Variants in GRIP2 observed in about 807,000 individuals in gnomAD.
GRIP2 encodes glutamate receptor interacting protein 2.
In GRIP2, 58 loss-of-function variants were observed where a neutral mutation model predicts 108.3. That is an observed-to-expected ratio of 0.54 (90% CI 0.43 to 0.67). GRIP2 has a LOEUF of 0.67. GRIP2 is among the 30% of genes least tolerant of loss of function. The probability of loss-of-function intolerance (pLI) is 0.00; values close to 1 mark genes in which losing one functional copy is unlikely to be tolerated. For synonymous variants in GRIP2, 586 were observed against 598.2 expected, an observed-to-expected ratio of 0.98 and a Z score of 0.30; for missense variants, 1,278 against 1,430.6, an observed-to-expected ratio of 0.89 and a Z score of 1.72.
chr3:14,530,539 T>A (rs1694682982), intron 1 of GRIP2, among the ~76,000 whole-genome samples: 1 of 152,236 alleles, frequency 6.6e-6, no homozygotes, highest in African/African-American at 2.4e-5. Flanking sequence ...TAATTTCTCC[T>A]AAGAACACTG....
chr3:14,497,967 T>C (rs542660835), intron 21 of GRIP2, among the ~76,000 whole-genome samples: 1 of 152,278 alleles, frequency 6.6e-6, no homozygotes, highest in Admixed American at 6.5e-5. Flanking sequence ...GTGCTGGAGC[T>C]GCTGGGAGGG....
At position 14,521,566 on chromosome 3, in the gene GRIP2, A is replaced by C; in HGVS notation, c.712+76T>G. On this transcript the variant is annotated intron_variant, in intron 7 of 23. Coordinates refer to ENST00000621039, the MANE Select transcript of GRIP2 (RefSeq NM_001080423.4). The surrounding 1 kb of genome is among the most constrained non-coding windows in gnomAD (Gnocchi z 5.1). Reference sequence around the variant, plus strand: ...TCATGCAGCCTTTGCAGTGGTAAAGATCCATGGCCACTGCCACCTCCCCCC... The same window carrying C: ...TCATGCAGCCTTTGCAGTGGTAAAGCTCCATGGCCACTGCCACCTCCCCCC... 2 of 1,454,778 alleles carry C rather than the reference A, an allele frequency of 1.4e-6. No individual in the cohort carries two copies. The highest frequency in any genetic ancestry group is 1.4e-5 in the South Asian group (1 of 72,416). The allele number at this position is 1,454,778 out of a possible 1,614,324, so 90.1% of individuals were successfully genotyped here.
chr3:14,571,553 C>G, the GRIP2 span, among the ~76,000 whole-genome samples: 1 of 152,144 alleles, frequency 6.6e-6, no homozygotes, highest in Non-Finnish European at 1.5e-5. Flanking sequence ...AACCAATGCT[C>G]CCGACAGAGA....
In GRIP2 at chr3:14,509,885, C is replaced by A; in HGVS notation, c.2013G>T (p.Ser671=). ...RYGGPLGITI[S]GTEEPFDPIV... is the part of the protein sequence containing the mutation. ...TGGGGTCAAAAGGTTCCTCCGTGCCCGAAATGGTGATGCCCAGGGGACCCC... is the reference window on the plus strand; with the variant it reads ...TGGGGTCAAAAGGTTCCTCCGTGCCAGAAATGGTGATGCCCAGGGGACCCC... Residue 671 remains serine (S), a synonymous_variant, in exon 17 of 24, where the codon TCG becomes TCT. Coordinates refer to ENST00000621039, the MANE Select transcript of GRIP2 (RefSeq NM_001080423.4). The A allele has an allele frequency of 1.9e-6, 3 of 1,545,400 alleles. No homozygotes were observed. The highest frequency in any genetic ancestry group is 2.6e-6 in the Non-Finnish European group (3 of 1,144,340).
At chr3:14,573,549 T>C in the GRIP2 span, 209,366 of 1,458,792 alleles carry the variant, frequency 0.14, 16,193 homozygotes, top group African/African-American at 0.23. Context: ...GGCCTCCTCA[T>C]GGAAATAGCC....
chr3:14,578,195 C>A, the GRIP2 span, among the ~76,000 whole-genome samples: 1 of 152,196 alleles, frequency 6.6e-6, no homozygotes, highest in African/African-American at 2.4e-5. Flanking sequence ...GCCAGGGGAG[C>A]TTGTCTTGTG....
In GRIP2 at chr3:14,506,829, C is replaced by A; in HGVS notation, c.2370G>T (p.Ser790=). The A allele has an allele frequency of 6.2e-7, 1 of 1,604,000 alleles. No homozygotes were observed. Among genetic ancestry groups the A allele is most frequent in the Non-Finnish European group, 8.5e-7 (1 of 1,175,328 alleles). Residue 790 remains serine (S), a synonymous_variant, in exon 19 of 24, where the codon TCG becomes TCT. Transcript: ENST00000621039. The part of the protein sequence containing the change: ...VDSAVESWDS[S]ATEGGFGGPG... The stretch of plus-strand genomic sequence containing the variant: ...GGCCCCCAAAGCCACCCTCGGTGGC[C>A]GAGCTGTCCCAAGACTCCACAGCAC...
rs527894928 is a variant in GRIP2, at chr3:14,521,457, G to A, written c.712+185C>T. On this transcript the variant is annotated intron_variant, in intron 7 of 23. Transcript: ENST00000621039. This position sits in a 1 kb window ranked among gnomAD's most constrained non-coding sequence, Gnocchi z 5.1. ...CAGACACCTCAATTCTGTTGTTCTA[G>A]GCTGGATCCCCAGCACATCAAACAA... 107 of 622,958 alleles carry A rather than the reference G, an allele frequency of 1.7e-4. No individual in the cohort carries two copies. The highest frequency in any genetic ancestry group is 3.4e-4 in the Middle Eastern group (1 of 2,904). 38.6% of individuals were successfully genotyped at this position (622,958 alleles called of 1,614,324 possible). A position where few individuals can be genotyped will look rare whatever the true frequency, so the allele number is the denominator to read the frequency against.
chr3:14,575,563 G>A, the GRIP2 span, among the ~76,000 whole-genome samples: 1 of 152,190 alleles, frequency 6.6e-6, no homozygotes, highest in Non-Finnish European at 1.5e-5. Context: ...GAACTGTCCT[G>A]TGGGATATTC....
At chr3:14,495,039 A>G (rs906251643) in intron 22 of GRIP2, 50 bp from the exon 23 acceptor site, 6 of 1,599,716 alleles carry the variant, frequency 3.8e-6, no homozygotes, top group Non-Finnish European at 5.1e-6. Context: ...CTTTGCCCCC[A>G]GCCTCTCACA....
chr3:14,563,023 AG>A, the GRIP2 span, among the ~76,000 whole-genome samples: 5 of 152,046 alleles, frequency 3.3e-5, no homozygotes, highest in East Asian at 1.9e-4. Context: ...GAAAAAAAAA[AG>A]GAGGGAAAAG....
At chr3:14,515,549 CATATT>C (rs1243247445) in intron 11 of GRIP2, among the ~76,000 whole-genome samples, 1 of 151,724 alleles carries the variant, frequency 6.6e-6, no homozygotes, top group African/African-American at 2.4e-5. Flanking sequence ...ATTATTGTGT[CATATT>C]ATATTATTAA....
chr3:14,492,570 G>A lies in GRIP2; in HGVS notation c.*1095C>T, dbSNP rs1157085785. 6.6e-6 allele frequency: 1 copy of A among 152,300 alleles called. No individual in the cohort carries two copies. Among genetic ancestry groups the A allele is most frequent in the Non-Finnish European group, 1.5e-5 (1 of 68,080 alleles). 9.4% of individuals were successfully genotyped at this position (152,300 alleles called of 1,614,324 possible). A position where few individuals can be genotyped will look rare whatever the true frequency, so the allele number is the denominator to read the frequency against. On this transcript the variant is annotated 3_prime_UTR_variant, in exon 24 of 24. Transcript: ENST00000621039. ...ACTTTGGACACCCTCCACTGGGCAA[G>A]AGTGTCCCATCTTTTTCTCTGGCCC...
chr3:14,535,315 A>G (rs1038298723), intron 1 of GRIP2, among the ~76,000 whole-genome samples: 1 of 152,178 alleles, frequency 6.6e-6, no homozygotes, highest in Non-Finnish European at 1.5e-5. Flanking sequence ...ATCTGGGACA[A>G]GTCACTTCTC....
At chr3:14,576,203 T>A in the GRIP2 span, among the ~76,000 whole-genome samples, 64 of 152,134 alleles carry the variant, frequency 4.2e-4, no homozygotes, top group African/African-American at 1.5e-3. Flanking sequence ...GGGCAGGACA[T>A]GGGGTGGGCT....
chr3:14,502,920 G>A (rs1008036052), intron 21 of GRIP2, among the ~76,000 whole-genome samples: 4 of 152,128 alleles, frequency 2.6e-5, no homozygotes, highest in African/African-American at 9.7e-5. Flanking sequence ...AAATAAAAAG[G>A]GGGCAAAACA....
chr3:14,500,876 A>G (rs1693746757), intron 21 of GRIP2, among the ~76,000 whole-genome samples: 1 of 152,208 alleles, frequency 6.6e-6, no homozygotes, highest in Non-Finnish European at 1.5e-5. Context: ...AAGTTGGGAT[A>G]TGAGAGGAGG....
intron 1 of GRIP2, among the ~76,000 whole-genome samples, chr3:14,528,397 G>C (rs1029342496): frequency 6.6e-6 from 1 of 152,196 alleles, no homozygotes; most frequent in Non-Finnish European, 1.5e-5. Context: ...GTTTCATCCA[G>C]GAATGGCATT....
At chr3:14,598,525 A>G in the GRIP2 span, among the ~76,000 whole-genome samples, 16 of 150,680 alleles carry the variant, frequency 1.1e-4, 1 homozygote, top group Admixed American at 7.3e-4. Flanking sequence ...TCTCACCTCC[A>G]CCCCCTTACT....
Sources: gnomAD v4.1 joint callset for allele counts (sites outside exome capture counted in the v4.1 genomes callset) on GRCh38, gnomAD v4.1.1 for gene constraint, Gnocchi (gnomAD v3.1) non-coding constraint, MANE v1.5 for transcripts, NCBI Gene and HGNC (gene_info 2026-07-23, HGNC 2026-07-21) for gene names.